OPRM1: variants seen among roughly 807,000 people sequenced by gnomAD.
The protein encoded by OPRM1 is opioid receptor mu 1, also known as mu-type opioid receptor.
In OPRM1, 27 loss-of-function variants were observed where a neutral mutation model predicts 31.8. The observed-to-expected ratio is 0.85, with a 90% CI of 0.63 to 1.17. OPRM1 has a LOEUF of 1.17. OPRM1 is among the 50% of genes most tolerant of loss of function. The pLI, the probability that OPRM1 is intolerant of heterozygous loss-of-function variation, is 0.00. For synonymous variants in OPRM1, 196 were observed against 189.9 expected, an observed-to-expected ratio of 1.03 and a Z score of -0.26; for missense variants, 536 against 511.1, an observed-to-expected ratio of 1.05 and a Z score of -0.47.
intron 1 of OPRM1, among the ~76,000 whole-genome samples, chr6:154,050,123 A>C (rs1052502126): frequency 6.6e-6 from 1 of 152,184 alleles, no homozygotes; most frequent in Non-Finnish European, 1.5e-5. Context: ...CAGTGTAGCC[A>C]TCAGGTCCTG....
intron 3 of OPRM1, among the ~76,000 whole-genome samples, chr6:154,187,565 C>T (rs1801500425): frequency 6.6e-6 from 1 of 152,202 alleles, no homozygotes; most frequent in South Asian, 2.1e-4. Context: ...TACTACCTCA[C>T]CAGTAGTTAT....
In OPRM1 at chr6:154,039,419, G is replaced by A. The variant is rs1481693399; in HGVS notation, c.-126G>A. On this transcript the variant is annotated 5_prime_UTR_variant, in exon 1 of 4. Coordinates refer to ENST00000330432, the MANE Select transcript of OPRM1 (RefSeq NM_000914.5). ...GCTCCTCTCTGTCTCAGCCAGGACT[G>A]GTTTCTGTAAGAAACAGCAGGAGCT... 6.4e-7 allele frequency: 1 copy of A among 1,550,942 alleles called. No homozygotes were observed. Among genetic ancestry groups the A allele is most frequent in the African/African-American group, 1.4e-5 (1 of 73,130 alleles).
intron 1 of OPRM1, among the ~76,000 whole-genome samples, chr6:154,059,848 C>CA (rs1386596325): frequency 1.2e-4 from 18 of 152,058 alleles, no homozygotes; most frequent in Non-Finnish European, 2.4e-4. Context: ...GTCATTGTTC[C>CA]ACTGAGAGCT....
At chr6:154,091,567 T>C in intron 3 of OPRM1, 95 bp downstream of exon 3, 1 of 1,471,582 alleles carries the variant, frequency 6.8e-7, no homozygotes, top group East Asian at 2.3e-5. Flanking sequence ...TTATAGAGGA[T>C]GAGAATGGAG....
intron 1 of OPRM1, among the ~76,000 whole-genome samples, chr6:154,025,650 G>T (rs1157041617): frequency 1.3e-5 from 2 of 151,664 alleles, no homozygotes; most frequent in Admixed American, 6.6e-5. Context: ...ATTTACTCTG[G>T]TTATATGGTT....
At chr6:154,235,545 A>AT (rs1394323356) in intron 3 of OPRM1, among the ~76,000 whole-genome samples, 104 of 150,316 alleles carry the variant, frequency 6.9e-4, no homozygotes, top group African/African-American at 2.3e-3. Context: ...AAAAAAAAAA[A>AT]AAAAAAGTAA....
intron 1 of OPRM1, among the ~76,000 whole-genome samples, chr6:154,057,102 A>G (rs1783460758): frequency 6.6e-6 from 1 of 152,206 alleles, no homozygotes. Context: ...TGTCCTTTTA[A>G]TTTTATAGAA....
chr6:154,209,680 T>A (rs556193754), intron 3 of OPRM1, among the ~76,000 whole-genome samples: 8 of 152,132 alleles, frequency 5.3e-5, no homozygotes, highest in Admixed American at 1.3e-4. Flanking sequence ...ATATTTTTTT[T>A]ATTTCATCTG....
At chr6:154,033,285 G>A (rs1227469651) in intron 1 of OPRM1, among the ~76,000 whole-genome samples, 1 of 152,192 alleles carries the variant, frequency 6.6e-6, no homozygotes, top group Non-Finnish European at 1.5e-5. Context: ...TTTAAAGTGT[G>A]GAGGAGGAGA....
At chr6:154,177,358 A>C (rs1167325989) in intron 3 of OPRM1, among the ~76,000 whole-genome samples, 3 of 152,264 alleles carry the variant, frequency 2.0e-5, no homozygotes, top group Admixed American at 6.5e-5. Context: ...GGCAACCTAC[A>C]GAATGGGAGA....
At chr6:154,194,658 A>G (rs933820723) in intron 3 of OPRM1, among the ~76,000 whole-genome samples, 2 of 152,142 alleles carry the variant, frequency 1.3e-5, no homozygotes, top group African/African-American at 4.8e-5. Flanking sequence ...CCTAACTCCT[A>G]GCTTCAGGAA....
intron 1 of OPRM1, among the ~76,000 whole-genome samples, chr6:154,043,796 C>T (rs1041227529): frequency 1.2e-4 from 19 of 152,096 alleles, no homozygotes; most frequent in Non-Finnish European, 2.4e-4. Context: ...AATTGCATGC[C>T]TTTCACTTAG....
intron 3 of OPRM1, among the ~76,000 whole-genome samples, chr6:154,193,834 C>T (rs1198247088): frequency 6.6e-6 from 1 of 152,196 alleles, no homozygotes; most frequent in Admixed American, 6.5e-5. Flanking sequence ...ACAATACTCC[C>T]TATTTTTTTC....
intron 1 of OPRM1, among the ~76,000 whole-genome samples, chr6:154,016,323 C>G (rs1201322581): frequency 6.6e-6 from 1 of 151,930 alleles, no homozygotes; most frequent in Non-Finnish European, 1.5e-5. Flanking sequence ...TCACAGGAAA[C>G]TATATTAAAG....
At chr6:154,039,887 C>A in intron 1 of OPRM1, 53 bp downstream of exon 1, 1 of 1,467,586 alleles carries the variant, frequency 6.8e-7, no homozygotes, top group African/African-American at 1.4e-5. Flanking sequence ...TAAGGGGGTA[C>A]AAAGAGACAC....
At position 154,168,344 on chromosome 6, in the gene OPRM1, C is replaced by A. The variant is rs955993545; in HGVS notation, c.1164+76872C>A. Among the ~76,000 whole-genome samples the A allele has an allele frequency of 2.6e-5, 4 of 152,256 alleles. No homozygotes were observed. In the East Asian group the frequency reaches 7.7e-4, roughly 29 times the overall value. On this transcript the variant is annotated intron_variant, in intron 3 of 3. Coordinates refer to the OPRM1 transcript ENST00000337049. The surrounding 1 kb of genome is among the most constrained non-coding windows in gnomAD (Gnocchi z 4.1). ...GCACCAGGGAAGGAGTTATTCCAAGCCTCTCTCCTGGCTTCAAGTGGTTTT... is the reference window on the plus strand; with the variant it reads ...GCACCAGGGAAGGAGTTATTCCAAGACTCTCTCCTGGCTTCAAGTGGTTTT...
intron 3 of OPRM1, among the ~76,000 whole-genome samples, chr6:154,205,756 G>A (rs995992926): frequency 2.6e-5 from 4 of 152,146 alleles, no homozygotes; most frequent in African/African-American, 9.7e-5. Flanking sequence ...AGGACAAGGT[G>A]CACATTTTCC....
intron 3 of OPRM1, among the ~76,000 whole-genome samples, chr6:154,191,901 C>T (rs995058470): frequency 6.6e-6 from 1 of 151,750 alleles, no homozygotes; most frequent in African/African-American, 2.4e-5. Context: ...AAGTGCTCTA[C>T]AAAGTTAAGC....
chr6:154,241,161 G>T (rs368757102), intron 3 of OPRM1, among the ~76,000 whole-genome samples: 1 of 151,162 alleles, frequency 6.6e-6, no homozygotes, highest in Admixed American at 6.6e-5. Context: ...GCTTGAACCC[G>T]GGAGGCGGAG....
Sources: gnomAD v4.1 joint callset for allele counts (sites outside exome capture counted in the v4.1 genomes callset) on GRCh38, gnomAD v4.1.1 for gene constraint, Gnocchi (gnomAD v3.1) non-coding constraint, MANE v1.5 for transcripts, NCBI Gene and HGNC (gene_info 2026-07-23, HGNC 2026-07-21) for gene names.